Variants in AGMO observed in about 807,000 individuals in gnomAD.
AGMO encodes the protein alkylglycerol monooxygenase.
AGMO carries 75 observed loss-of-function variants against 60.2 expected under a neutral mutation model. That is an observed-to-expected ratio of 1.25 (90% confidence interval 1.03 to 1.51). The LOEUF (loss-of-function observed/expected upper bound fraction) is 1.51, where lower values mean the gene tolerates loss of function less well. AGMO is among the 40% of genes most tolerant of loss of function. The pLI is 0.00. For synonymous variants in AGMO, 261 were observed against 177.1 expected (o/e 1.47, Z -3.76); for missense variants, 763 against 525.5 (o/e 1.45, Z -4.42).
Position 15,417,425 on chromosome 7 carries a change from C to G in AGMO, c.609+1133G>C, listed in dbSNP as rs150057916. On this transcript the variant is annotated intron_variant, in intron 5 of 12. Coordinates refer to ENST00000342526, the MANE Select transcript of AGMO (RefSeq NM_001004320.2). Reference sequence around the variant, plus strand: ...TCTGTATCCAAACTAATACCTGACCCGACACATGGCGTGACCTGGAGCAGA... The same window carrying G: ...TCTGTATCCAAACTAATACCTGACCGGACACATGGCGTGACCTGGAGCAGA... 2.6e-5 allele frequency among the ~76,000 whole-genome samples: 4 copies of G among 152,242 alleles called. No individual in the cohort carries two copies. The East Asian group carries it at 7.7e-4, about 29-fold the overall frequency.
chr7:15,378,979 T>C (rs1312073907), intron 10 of AGMO, among the ~76,000 whole-genome samples: 2 of 152,000 alleles, frequency 1.3e-5, no homozygotes, highest in African/African-American at 2.4e-5. Flanking sequence ...TACAATTACA[T>C]GGAAACTGAA....
chr7:15,397,912 C>T (rs1201754920), intron 5 of AGMO, among the ~76,000 whole-genome samples: 1 of 152,108 alleles, frequency 6.6e-6, no homozygotes, highest in East Asian at 1.9e-4. Flanking sequence ...TTTTATTGGA[C>T]TATATTGCTT....
At chr7:15,316,370 C>T (rs970404356) in intron 12 of AGMO, among the ~76,000 whole-genome samples, 1 of 152,122 alleles carries the variant, frequency 6.6e-6, no homozygotes, top group Non-Finnish European at 1.5e-5. Context: ...CTCCACACTC[C>T]CTGCCAGTGG....
chr7:15,432,328 G>GTA (rs139554246), intron 3 of AGMO, among the ~76,000 whole-genome samples: 2,370 of 75,358 alleles, frequency 0.031, 56 homozygotes, highest in African/African-American at 0.082. Flanking sequence ...GTGTATATAT[G>GTA]TATATATATA....
chr7:15,150,802 G>A, the AGMO span, among the ~76,000 whole-genome samples: 1 of 152,184 alleles, frequency 6.6e-6, no homozygotes, highest in African/African-American at 2.4e-5. Flanking sequence ...GTTAGTATCA[G>A]AATGATGCTG....
chr7:15,430,235 A>G (rs1781189172), intron 4 of AGMO, among the ~76,000 whole-genome samples: 1 of 151,966 alleles, frequency 6.6e-6, no homozygotes, highest in Non-Finnish European at 1.5e-5. Context: ...ATTATAATTT[A>G]TAGTTAATAA....
At chr7:15,130,220 T>A in the AGMO span, among the ~76,000 whole-genome samples, 1 of 152,110 alleles carries the variant, frequency 6.6e-6, no homozygotes, top group Admixed American at 6.6e-5. Context: ...ATGATAATTA[T>A]ATTTCAGAAC....
At chr7:15,432,333 T>TATATATACATAC (rs1554271551) in intron 3 of AGMO, among the ~76,000 whole-genome samples, 27 of 135,180 alleles carry the variant, frequency 2.0e-4, no homozygotes, top group African/African-American at 5.6e-4. Context: ...TATATGTATA[T>TATATATACATAC]ATATATATAT....
intron 12 of AGMO, among the ~76,000 whole-genome samples, chr7:15,236,712 C>T (rs1782432507): frequency 6.6e-6 from 1 of 152,004 alleles, no homozygotes; most frequent in African/African-American, 2.4e-5. Context: ...ATTAGGGTGA[C>T]TTCTCATTGC....
At chr7:15,278,095 T>C (rs1268513695) in intron 12 of AGMO, among the ~76,000 whole-genome samples, 1 of 152,036 alleles carries the variant, frequency 6.6e-6, no homozygotes, top group African/African-American at 2.4e-5. Context: ...CAGGCCACAG[T>C]GTAACTGAAA....
At chr7:15,466,346 G>A (rs1221713920) in intron 3 of AGMO, among the ~76,000 whole-genome samples, 4 of 152,096 alleles carry the variant, frequency 2.6e-5, no homozygotes, top group African/African-American at 9.7e-5. Context: ...CTTGCTGCTC[G>A]TAAGCATTTT....
intron 3 of AGMO, among the ~76,000 whole-genome samples, chr7:15,508,700 T>C (rs1026421015): frequency 6.6e-6 from 1 of 151,540 alleles, no homozygotes; most frequent in Middle Eastern, 3.2e-3. Flanking sequence ...CCACTTCTCA[T>C]CCCTCACCTG....
intron 3 of AGMO, among the ~76,000 whole-genome samples, chr7:15,482,891 G>A (rs972102993): frequency 2.6e-5 from 4 of 152,140 alleles, no homozygotes; most frequent in African/African-American, 7.2e-5. Context: ...ATATAAGCAT[G>A]TCAATAGATG....
chr7:15,373,605 C>A (rs551180607), intron 10 of AGMO, among the ~76,000 whole-genome samples: 2 of 152,090 alleles, frequency 1.3e-5, no homozygotes, highest in Non-Finnish European at 2.9e-5. Flanking sequence ...GTCAATACAA[C>A]CTCCTCTCAC....
chr7:15,156,663 G>A, the AGMO span, among the ~76,000 whole-genome samples: 3 of 152,190 alleles, frequency 2.0e-5, no homozygotes, highest in Non-Finnish European at 4.4e-5. Context: ...CTCAGGGCCA[G>A]GAACAAGTCT....
chr7:15,436,467 G>A (rs1000405230), intron 3 of AGMO, among the ~76,000 whole-genome samples: 1 of 152,142 alleles, frequency 6.6e-6, no homozygotes, highest in African/African-American at 2.4e-5. Flanking sequence ...CCATTCTTGA[G>A]GGTGGAGCTT....
At chr7:15,244,534 T>C (rs1329039600) in intron 12 of AGMO, among the ~76,000 whole-genome samples, 4 of 152,238 alleles carry the variant, frequency 2.6e-5, no homozygotes, top group Non-Finnish European at 5.9e-5. Context: ...CGCAAATCTT[T>C]ATATTCTATA....
chr7:15,128,016 C>T, the AGMO span, among the ~76,000 whole-genome samples: 32 of 152,020 alleles, frequency 2.1e-4, no homozygotes, highest in African/African-American at 7.2e-4. Flanking sequence ...TGAGCCATTG[C>T]TTGTAGTTTG....
intron 3 of AGMO, among the ~76,000 whole-genome samples, chr7:15,493,434 C>T (rs903888477): frequency 6.0e-5 from 8 of 132,996 alleles, no homozygotes; most frequent in Non-Finnish European, 9.2e-5. Flanking sequence ...AGTGCAGTGG[C>T]GCGATCTCGG....
Sources: gnomAD v4.1 joint callset for allele counts (sites outside exome capture counted in the v4.1 genomes callset) on GRCh38, gnomAD v4.1.1 for gene constraint, MANE v1.5 for transcripts, NCBI Gene and HGNC (gene_info 2026-07-23, HGNC 2026-07-21) for gene names.